CORIN: variants seen among roughly 807,000 people sequenced by gnomAD.
CORIN encodes atrial natriuretic peptide-converting enzyme.
CORIN carries 117 observed loss-of-function variants against 125.3 expected under a neutral mutation model. That is an observed-to-expected ratio of 0.93 (90% CI 0.80 to 1.09). The LOEUF (loss-of-function observed/expected upper bound fraction) is 1.09, where lower values mean the gene tolerates loss of function less well. Among genes scored for constraint, CORIN ranks in the 50% least tolerant of loss-of-function variants. CORIN has a pLI of 0.00. For synonymous variants in CORIN, 450 were observed against 466.4 expected (o/e 0.96, Z 0.45); for missense variants, 1,253 against 1,306.7 (o/e 0.96, Z 0.63).
chr4:47,680,318 C>A lies in CORIN; in HGVS notation c.1022-67G>T. 3 of 1,082,936 alleles carry A rather than the reference C, an allele frequency of 2.8e-6. No homozygotes were observed. In the South Asian group the frequency reaches 4.0e-5, roughly 14 times the overall value. 67.1% of individuals were successfully genotyped at this position (1,082,936 alleles called of 1,614,324 possible). ...GACTAACAGGCAGGATTCTATGGCTCCCAGTTCCCATCGAAGAGAGTCTGT... is the reference window on the plus strand; with the variant it reads ...GACTAACAGGCAGGATTCTATGGCTACCAGTTCCCATCGAAGAGAGTCTGT... On this transcript the variant is annotated intron_variant, in intron 7 of 21. Transcript: ENST00000273857.
intron 12 of CORIN, among the ~76,000 whole-genome samples, chr4:47,661,161 C>T (rs1724231861): frequency 6.6e-6 from 1 of 151,984 alleles, no homozygotes; most frequent in African/African-American, 2.4e-5. Context: ...GAAAGTAGAC[C>T]AATGGTTGCC....
chr4:47,735,521 G>C (rs917604565), intron 5 of CORIN, among the ~76,000 whole-genome samples: 1 of 152,028 alleles, frequency 6.6e-6, no homozygotes, highest in African/African-American at 2.4e-5. Flanking sequence ...ATCTTTCTAA[G>C]ATTTTTTCCA....
chr4:47,727,303 C>T (rs983115882), intron 5 of CORIN, among the ~76,000 whole-genome samples: 1 of 152,024 alleles, frequency 6.6e-6, no homozygotes, highest in African/African-American at 2.4e-5. Context: ...GCACTACCAT[C>T]TAGAAGAAAA....
intron 7 of CORIN, chr4:47,681,277 AAAG>A (rs1725266994): frequency 6.6e-6 from 1 of 152,312 alleles, no homozygotes; most frequent in African/African-American, 2.4e-5. Flanking sequence ...AGGTTTGAGA[AAAG>A]AAGAAAAGCA....
intron 14 of CORIN, among the ~76,000 whole-genome samples, chr4:47,643,554 A>G (rs752459150): frequency 5.3e-5 from 8 of 152,186 alleles, no homozygotes; most frequent in Non-Finnish European, 2.9e-5. Flanking sequence ...CAAAGATCAG[A>G]GAACGGGGTT....
chr4:47,688,238 T>G (rs1270291004), intron 6 of CORIN, among the ~76,000 whole-genome samples: 1 of 152,202 alleles, frequency 6.6e-6, no homozygotes, highest in East Asian at 1.9e-4. Context: ...GCTGCTGCCT[T>G]TTTTTGTTTG....
At chr4:47,763,257 C>T in intron 4 of CORIN, 122 bp downstream of exon 4, 2 of 689,906 alleles carry the variant, frequency 2.9e-6, no homozygotes, top group Non-Finnish European at 5.0e-6. Context: ...TTAGAACTAG[C>T]CATGACTAAT....
At chr4:47,830,596 T>C (rs1732940432) in intron 1 of CORIN, among the ~76,000 whole-genome samples, 1 of 152,234 alleles carries the variant, frequency 6.6e-6, no homozygotes, top group South Asian at 2.1e-4. Context: ...CATAAATGTT[T>C]GTTAAATAAG....
intron 4 of CORIN, among the ~76,000 whole-genome samples, chr4:47,750,453 G>A (rs1336485792): frequency 6.6e-6 from 1 of 152,180 alleles, no homozygotes; most frequent in Non-Finnish European, 1.5e-5. Context: ...ACTAAAGCAG[G>A]TTCACTGCAG....
chr4:47,652,605 TACAAAGATTTGCAG>T (rs1723784023), intron 13 of CORIN: 1 of 152,230 alleles, frequency 6.6e-6, no homozygotes, highest in East Asian at 1.9e-4. Flanking sequence ...TGGTTACAAG[TACAAAGATTTGCAG>T]GGAAATATAA....
chr4:47,743,060 AC>A, intron 5 of CORIN, among the ~76,000 whole-genome samples: 1 of 152,286 alleles, frequency 6.6e-6, no homozygotes, highest in East Asian at 1.9e-4. Flanking sequence ...CCTATCTTTT[AC>A]CTTTCACCAT....
intron 19 of CORIN, among the ~76,000 whole-genome samples, chr4:47,617,145 T>C (rs1722095342): frequency 6.6e-6 from 1 of 152,198 alleles, no homozygotes; most frequent in African/African-American, 2.4e-5. Context: ...GAATAAGCTG[T>C]CAAATAGTTG....
intron 13 of CORIN, among the ~76,000 whole-genome samples, chr4:47,647,539 G>A (rs1723543526): frequency 1.3e-5 from 2 of 152,014 alleles, no homozygotes; most frequent in Non-Finnish European, 2.9e-5. Context: ...TGATGATAAT[G>A]AGATAACATG....
intron 1 of CORIN, among the ~76,000 whole-genome samples, chr4:47,819,519 G>A (rs1732412155): frequency 6.6e-6 from 1 of 152,146 alleles, no homozygotes; most frequent in Non-Finnish European, 1.5e-5. Context: ...TCTTTACGAG[G>A]AGTAATAAAG....
chr4:47,619,009 G>T (rs1231548478), intron 19 of CORIN, among the ~76,000 whole-genome samples: 1 of 152,110 alleles, frequency 6.6e-6, no homozygotes, highest in Non-Finnish European at 1.5e-5. Flanking sequence ...AGTTTTTCAC[G>T]TGGGTTTCCT....
chr4:47,742,471 T>A (rs1429582361), intron 5 of CORIN, among the ~76,000 whole-genome samples: 1 of 151,962 alleles, frequency 6.6e-6, no homozygotes, highest in Non-Finnish European at 1.5e-5. Context: ...AAAGGAAATG[T>A]TTTAAAAATA....
intron 10 of CORIN, among the ~76,000 whole-genome samples, chr4:47,672,982 A>G (rs780019214): frequency 1.3e-4 from 20 of 152,100 alleles, no homozygotes; most frequent in Admixed American, 3.9e-4. Flanking sequence ...AAAAATTAGG[A>G]CCGCGAAACT....
At chr4:47,744,228 G>A (rs1577883289) in intron 5 of CORIN, among the ~76,000 whole-genome samples, 174 bp downstream of exon 5, 3 of 150,692 alleles carry the variant, frequency 2.0e-5, no homozygotes, top group African/African-American at 4.9e-5. Context: ...GGGCTTGAAG[G>A]CATTTCTGGG....
chr4:47,698,233 G>A (rs1214783122), intron 5 of CORIN, among the ~76,000 whole-genome samples: 1 of 151,740 alleles, frequency 6.6e-6, no homozygotes, highest in East Asian at 1.9e-4. Context: ...GCAGGGTAAG[G>A]GAGGTATAGG....
Sources: allele counts gnomAD v4.1 joint callset (sites outside exome capture counted in the v4.1 genomes callset), GRCh38; gene constraint gnomAD v4.1.1; transcripts MANE v1.5; gene names NCBI Gene and HGNC (gene_info 2026-07-23, HGNC 2026-07-21).